The following DNAH11 variants were observed in gnomAD, a reference collection of about 807,000 sequenced individuals.
DNAH11 encodes dynein axonemal heavy chain 11, also known as axonemal beta dynein heavy chain 11.
DNAH11 carries 442 observed loss-of-function variants against 526.0 expected under a neutral mutation model. That is an observed-to-expected ratio of 0.84 (90% confidence interval 0.78 to 0.91). The LOEUF (loss-of-function observed/expected upper bound fraction) is 0.91. Ranked by LOEUF, DNAH11 falls within the 40% of genes least tolerant of loss-of-function variation. DNAH11 has a pLI of 0.00. For synonymous variants in DNAH11, 2,461 were observed against 1,935.9 expected, an observed-to-expected ratio of 1.27 and a Z score of -7.12; for missense variants, 6,989 against 5,448.7, an observed-to-expected ratio of 1.28 and a Z score of -8.90.
At chr7:21,603,196 T>C (rs1785158295) in intron 18 of DNAH11, among the ~76,000 whole-genome samples, 1 of 152,246 alleles carries the variant, frequency 6.6e-6, no homozygotes, top group East Asian at 1.9e-4. Flanking sequence ...CTTGGTATAA[T>C]GTTTTCCAGG....
intron 42 of DNAH11, among the ~76,000 whole-genome samples, chr7:21,714,439 G>C (rs186552708): frequency 6.6e-6 from 1 of 152,192 alleles, no homozygotes; most frequent in East Asian, 1.9e-4. Flanking sequence ...TCACGAAATG[G>C]CTATTTTAGA....
chr7:21,604,429 A>G (rs994928248), intron 18 of DNAH11, among the ~76,000 whole-genome samples: 1 of 152,162 alleles, frequency 6.6e-6, no homozygotes, highest in Non-Finnish European at 1.5e-5. Context: ...GGACTTATCC[A>G]GTCCCTTTTC....
intron 65 of DNAH11, among the ~76,000 whole-genome samples, chr7:21,823,547 A>G (rs1256202267): frequency 6.6e-6 from 1 of 152,150 alleles, no homozygotes; most frequent in South Asian, 2.1e-4. Context: ...TTTACATAGT[A>G]TATTTTCCCT....
At chr7:21,754,488 A>C (rs1562527327) in intron 54 of DNAH11, among the ~76,000 whole-genome samples, 1 of 152,076 alleles carries the variant, frequency 6.6e-6, no homozygotes, top group Non-Finnish European at 1.5e-5. Flanking sequence ...ATTGTTGTCT[A>C]ATCCTTTTTA....
At chr7:21,565,906 C>T (rs1377470867) in intron 6 of DNAH11, among the ~76,000 whole-genome samples, 4 of 152,162 alleles carry the variant, frequency 2.6e-5, no homozygotes, top group Non-Finnish European at 1.5e-5. Context: ...TTACCATCAT[C>T]TCCTCTGGTT....
chr7:21,661,896 T>G (rs1782256105), intron 30 of DNAH11, among the ~76,000 whole-genome samples: 1 of 152,104 alleles, frequency 6.6e-6, no homozygotes, highest in Non-Finnish European at 1.5e-5. Context: ...CTCAGCTCAC[T>G]GCAACCTCTA....
intron 30 of DNAH11, 41 bp downstream of exon 30, chr7:21,659,072 C>T (rs1377772661): frequency 6.9e-7 from 1 of 1,450,654 alleles, no homozygotes. Context: ...AAAGGAACTT[C>T]AAGATGTAAG....
chr7:21,613,073 G>GAA (rs909250601), intron 20 of DNAH11, among the ~76,000 whole-genome samples: 1 of 152,000 alleles, frequency 6.6e-6, no homozygotes, highest in Non-Finnish European at 1.5e-5. Context: ...TAATAAGGGT[G>GAA]AAACATAGGA....
chr7:21,613,129 A>G (rs1014556128), intron 20 of DNAH11, among the ~76,000 whole-genome samples: 2 of 151,746 alleles, frequency 1.3e-5, no homozygotes, highest in Non-Finnish European at 2.9e-5. Context: ...GTGTGTATTC[A>G]TATAATGTAG....
intron 70 of DNAH11, among the ~76,000 whole-genome samples, chr7:21,866,120 CA>C (rs1783266396): frequency 6.6e-6 from 1 of 152,160 alleles, no homozygotes. Flanking sequence ...TGCAGCCCAG[CA>C]AGTCTCAGCC....
chr7:21,811,300 C>T (rs1271784557), intron 63 of DNAH11, among the ~76,000 whole-genome samples: 2 of 151,378 alleles, frequency 1.3e-5, no homozygotes, highest in Non-Finnish European at 3.0e-5. Flanking sequence ...CCCCCCCCTA[C>T]TAAAAATTAG....
intron 28 of DNAH11, among the ~76,000 whole-genome samples, chr7:21,644,937 T>C (rs1473754318): frequency 6.6e-6 from 1 of 152,256 alleles, no homozygotes; most frequent in Admixed American, 6.5e-5. Context: ...CTCAAAATGA[T>C]GAATATGTGG....
At chr7:21,764,823 C>T (rs553393121) in intron 54 of DNAH11, among the ~76,000 whole-genome samples, 8 of 152,178 alleles carry the variant, frequency 5.3e-5, no homozygotes, top group Admixed American at 2.0e-4. Flanking sequence ...AGATTTACAG[C>T]AGAAACTTAA....
chr7:21,900,883 C>T, intron 81 of DNAH11, 124 bp from the exon 82 acceptor site: 2 of 1,451,132 alleles, frequency 1.4e-6, no homozygotes, highest in Non-Finnish European at 1.8e-6. Context: ...GTAAAAATAC[C>T]ACTGACAAGC....
At chr7:21,893,246 A>G (rs1259296765) in intron 77 of DNAH11, among the ~76,000 whole-genome samples, 3 of 152,230 alleles carry the variant, frequency 2.0e-5, no homozygotes, top group Non-Finnish European at 4.4e-5. Flanking sequence ...TGTAGCTTTA[A>G]TAGTATTCCC....
chr7:21,802,486 GAAAAT>G (rs1238336393), intron 62 of DNAH11, among the ~76,000 whole-genome samples: 2 of 151,974 alleles, frequency 1.3e-5, no homozygotes, highest in African/African-American at 4.8e-5. Flanking sequence ...CTAAAGAAAA[GAAAAT>G]AAATGTCCAT....
chr7:21,697,705 C>T (rs1042318935), intron 35 of DNAH11, among the ~76,000 whole-genome samples: 7 of 152,138 alleles, frequency 4.6e-5, no homozygotes, highest in Admixed American at 1.3e-4. Context: ...TCTAGACAGC[C>T]GGTTGTGAAA....
In DNAH11 at chr7:21,564,201, A is replaced by G. The variant is rs878854450; in HGVS notation, c.998A>G (p.Gln333Arg). ...TTGCTTTCAGCTCTTCTCGAAGCCCAAGATGTGGAACTTTACCTGAGACCT... is the reference window on the plus strand; with the variant it reads ...TTGCTTTCAGCTCTTCTCGAAGCCCGAGATGTGGAACTTTACCTGAGACCT... The part of the protein sequence containing the change: ...LAVENALLEA[Q>R]DVELYLRPLR... Residue 333 changes from glutamine to arginine, a missense_variant, in exon 6 of 82, where the codon CAA becomes CGA. Physicochemically the swap from Gln to Arg is conservative, Grantham distance 43. Coordinates refer to ENST00000409508, the MANE Select transcript of DNAH11 (RefSeq NM_001277115.2). 5.7e-6 allele frequency: 9 copies of G among 1,588,666 alleles called. No homozygotes were observed. In the African/African-American group the frequency reaches 8.1e-5, roughly 14 times the overall value.
At chr7:21,642,586 G>A (rs946594374) in intron 28 of DNAH11, among the ~76,000 whole-genome samples, 4 of 151,814 alleles carry the variant, frequency 2.6e-5, no homozygotes, top group Non-Finnish European at 5.9e-5. Context: ...TAGTGTGACC[G>A]AGATAACATG....
Sources: gnomAD v4.1 joint callset for allele counts (sites outside exome capture counted in the v4.1 genomes callset) on GRCh38, gnomAD v4.1.1 for gene constraint, MANE v1.5 for transcripts, NCBI Gene and HGNC (gene_info 2026-07-23, HGNC 2026-07-21) for gene names.